Variants in C4orf17 observed in about 807,000 individuals in gnomAD.
The protein encoded by C4orf17 is chromosome 4 open reading frame 17, also known as uncharacterized protein C4orf17.
A neutral mutation model predicts 32.0 loss-of-function variants in C4orf17; 25 were observed. That is an observed-to-expected ratio of 0.78 (90% CI 0.57 to 1.09). C4orf17 has a LOEUF of 1.09. Ranked by LOEUF, C4orf17 falls within the 50% of genes least tolerant of loss-of-function variation. C4orf17 has a pLI of 0.00. For missense variants in C4orf17, 420 were observed against 420.0 expected, an observed-to-expected ratio of 1.00 and a Z score of 0.00; for synonymous variants, 149 against 145.8, an observed-to-expected ratio of 1.02 and a Z score of -0.16.
At chr4:99,512,676 T>C (rs1005624661) in intron 1 of C4orf17, among the ~76,000 whole-genome samples, 4 of 152,172 alleles carry the variant, frequency 2.6e-5, no homozygotes, top group African/African-American at 9.7e-5. Context: ...TTGATAATCA[T>C]GTAATTTTTT....
chr4:99,540,263 T>C (rs1456654545), intron 7 of C4orf17, 149 bp from the exon 8 acceptor site: 14 of 505,030 alleles, frequency 2.8e-5, no homozygotes, highest in East Asian at 6.2e-5. Flanking sequence ...GGGAAGTAAA[T>C]TTAATACTGT....
intron 5 of C4orf17, among the ~76,000 whole-genome samples, chr4:99,530,796 T>C (rs989859988): frequency 6.8e-6 from 1 of 147,698 alleles, no homozygotes; most frequent in Non-Finnish European, 1.5e-5. Flanking sequence ...TTGAGGAGAA[T>C]AAAAGGAAAT....
chr4:99,534,379 A>C (rs995236334), intron 5 of C4orf17, among the ~76,000 whole-genome samples: 6 of 152,190 alleles, frequency 3.9e-5, no homozygotes, highest in African/African-American at 1.4e-4. Flanking sequence ...CCAGTCTATC[A>C]TTGATGGGCA....
At chr4:99,521,936 T>C (rs923786913) in intron 2 of C4orf17, among the ~76,000 whole-genome samples, 1 of 152,266 alleles carries the variant, frequency 6.6e-6, no homozygotes, top group Non-Finnish European at 1.5e-5. Context: ...GTCTCTCACA[T>C]GAGGAAGGAG....
intron 8 of C4orf17, 61 bp downstream of exon 8, chr4:99,540,516 C>A: frequency 9.6e-7 from 1 of 1,046,836 alleles, no homozygotes; most frequent in Non-Finnish European, 1.5e-6. Flanking sequence ...GTACTAATGA[C>A]TCAGGGAACA....
At chr4:99,527,387 C>T (rs751446566) in intron 4 of C4orf17, among the ~76,000 whole-genome samples, 26 of 152,192 alleles carry the variant, frequency 1.7e-4, no homozygotes, top group Admixed American at 1.3e-3. Context: ...TTTGGTAGAA[C>T]GCAATATAAA....
chr4:99,524,484 T>G, intron 3 of C4orf17, 37 bp from the exon 4 acceptor site: 8 of 1,287,728 alleles, frequency 6.2e-6, no homozygotes, highest in Non-Finnish European at 9.0e-6. Context: ...TCTTTTTCAG[T>G]TTAATCTAAA....
chr4:99,522,572 A>C lies in C4orf17; in HGVS notation c.200A>C (p.Gln67Pro), dbSNP rs1413716114. 5.0e-6 allele frequency: 8 copies of C among 1,613,922 alleles called. No individual in the cohort carries two copies. Among genetic ancestry groups the C allele is most frequent in the African/African-American group, 1.3e-5 (1 of 74,916 alleles). Reference protein sequence around the residue: ...NAFGTLWGVGQSNYLEKNRIP... With the variant: ...NAFGTLWGVGPSNYLEKNRIP... ...TTTGGAACATTGTGGGGAGTTGGCCAGTCTAACTACTTAGAGAAGAACAGG... is the reference window on the plus strand; with the variant it reads ...TTTGGAACATTGTGGGGAGTTGGCCCGTCTAACTACTTAGAGAAGAACAGG... Residue 67 changes from glutamine to proline, a missense_variant, in exon 3 of 9, where the codon CAG (glutamine) becomes CCG (proline). Physicochemically the swap from Gln to Pro is moderately conservative, Grantham distance 76 (BLOSUM62 -1). Transcript: ENST00000326581.
intron 2 of C4orf17, among the ~76,000 whole-genome samples, chr4:99,520,346 C>A (rs539539191): frequency 1.3e-5 from 2 of 152,280 alleles, no homozygotes; most frequent in South Asian, 4.1e-4. Context: ...CCGCCCGCCT[C>A]AGCCTCCCAA....
In C4orf17 at chr4:99,541,896, T is replaced by A; in HGVS notation, c.881-14T>A. On this transcript the variant is annotated splice_polypyrimidine_tract_variant and intron_variant, in intron 8 of 8. Coordinates refer to ENST00000326581, the MANE Select transcript of C4orf17 (RefSeq NM_032149.3). ...TCAATTATGGTCTTATTTAGATTTT[T>A]TTCTCTATTTCAGAGGCTGAGCACA... The A allele has an allele frequency of 6.3e-7, 1 of 1,593,212 alleles. No individual in the cohort carries two copies.
chr4:99,522,847 T>C (rs987586977), intron 3 of C4orf17, 138 bp downstream of exon 3: 11 of 667,510 alleles, frequency 1.6e-5, no homozygotes, highest in Non-Finnish European at 2.5e-5. Context: ...AATTTTGTTA[T>C]ATAATTTTTT....
chr4:99,523,632 C>A (rs2110168762), intron 3 of C4orf17, among the ~76,000 whole-genome samples: 1 of 152,266 alleles, frequency 6.6e-6, no homozygotes, highest in Non-Finnish European at 1.5e-5. Flanking sequence ...AAGAAAGAGG[C>A]CTTTGATGGG....
chr4:99,542,031 A>G lies in C4orf17; in HGVS notation c.1002A>G (p.Lys334=), dbSNP rs549974863. The change falls in exon 9 of 9, where the codon AAA becomes AAG. Residue 334 remains lysine (K), a synonymous_variant. Coordinates refer to ENST00000326581, the MANE Select transcript of C4orf17 (RefSeq NM_032149.3). ...ACACTCAGGAGAGTGGATCAGCAAAACCAGTGTCAGCAAGGAGTATACAAG... is the reference window on the plus strand; with the variant it reads ...ACACTCAGGAGAGTGGATCAGCAAAGCCAGTGTCAGCAAGGAGTATACAAG... ...RPNTQESGSA[K]PVSARSIQEY... is the part of the protein sequence containing the mutation. The G allele has an allele frequency of 3.1e-6, 5 of 1,614,102 alleles. No homozygotes were observed. The African/African-American group carries it at 4.0e-5, about 13-fold the overall frequency.
chr4:99,538,617 A>G lies in C4orf17; in HGVS notation c.629-546A>G, dbSNP rs142400300. 3.9e-4 allele frequency among the ~76,000 whole-genome samples: 60 copies of G among 152,338 alleles called. No homozygotes were observed. The East Asian group carries it at 8.5e-3, about 22-fold the overall frequency. Reference sequence around the variant, plus strand: ...TTCCAATTATTTTTCCTTTTAAAGAATGTAACATTTAATAAACTATACAAG... The same window carrying G: ...TTCCAATTATTTTTCCTTTTAAAGAGTGTAACATTTAATAAACTATACAAG... On this transcript the variant is annotated intron_variant, in intron 6 of 8. Transcript: ENST00000326581.
At chr4:99,533,897 C>G (rs1723517232) in intron 5 of C4orf17, among the ~76,000 whole-genome samples, 1 of 152,214 alleles carries the variant, frequency 6.6e-6, no homozygotes, top group African/African-American at 2.4e-5. Context: ...GCTAGATTCT[C>G]AAATCCTAAA....
chr4:99,521,089 T>A (rs1249789498), intron 2 of C4orf17, among the ~76,000 whole-genome samples: 1 of 152,270 alleles, frequency 6.6e-6, no homozygotes, highest in Non-Finnish European at 1.5e-5. Context: ...AAGATGTAGA[T>A]GGGGCCAGGC....
At chr4:99,518,439 G>A (rs2110166213) in intron 2 of C4orf17, among the ~76,000 whole-genome samples, 1 of 131,812 alleles carries the variant, frequency 7.6e-6, no homozygotes, top group East Asian at 2.3e-4. Context: ...AGCCATGATT[G>A]TGCCACTGCA....
In C4orf17 at chr4:99,526,993, G is replaced by T. The variant is rs115590330; in HGVS notation, c.402+2408G>T. ...ATCTTTATAGAAGGTAAAATCTTAG[G>T]TCATTGATTTGAGACTGTTTTTTTC... is the stretch of plus-strand genomic sequence containing the variant. On this transcript the variant is annotated intron_variant, in intron 4 of 8. Transcript: ENST00000326581. Among the ~76,000 whole-genome samples, 464 of 151,800 alleles carry T rather than the reference G, an allele frequency of 3.1e-3. 2 individuals are homozygous for T. Among genetic ancestry groups the T allele is most frequent in the African/African-American group, 0.01 (428 of 41,414 alleles).
At chr4:99,512,236 A>G (rs529824101) in intron 1 of C4orf17, among the ~76,000 whole-genome samples, 1 of 152,352 alleles carries the variant, frequency 6.6e-6, no homozygotes, top group South Asian at 2.1e-4. Flanking sequence ...AAATACAACA[A>G]GCACCAGAAA....
Sources: allele counts gnomAD v4.1 joint callset (sites outside exome capture counted in the v4.1 genomes callset), GRCh38; gene constraint gnomAD v4.1.1; transcripts MANE v1.5; gene names NCBI Gene and HGNC (gene_info 2026-07-23, HGNC 2026-07-21).